TRPC4: variants seen among roughly 807,000 people sequenced by gnomAD.
TRPC4 encodes transient receptor potential cation channel subfamily C member 4, also known as short transient receptor potential channel 4.
In TRPC4, 49 loss-of-function variants were observed where a neutral mutation model predicts 99.4. That is an observed-to-expected ratio of 0.49 (90% confidence interval 0.39 to 0.63). TRPC4 has a LOEUF of 0.63. TRPC4 is among the 20% of genes least tolerant of loss of function. TRPC4 has a pLI of 0.00. For missense variants in TRPC4, 898 were observed against 1,152.9 expected, an observed-to-expected ratio of 0.78 and a Z score of 3.20; for synonymous variants, 454 against 425.9, an observed-to-expected ratio of 1.07 and a Z score of -0.81.
chr13:37,858,415 C>T (rs747869151), intron 1 of TRPC4, among the ~76,000 whole-genome samples: 1 of 151,610 alleles, frequency 6.6e-6, no homozygotes, highest in Non-Finnish European at 1.5e-5. Context: ...CCAGCAATCC[C>T]ACTGCAGGGT....
chr13:37,848,919 ATCT>A (rs1173668425), intron 1 of TRPC4, among the ~76,000 whole-genome samples: 1 of 152,192 alleles, frequency 6.6e-6, no homozygotes, highest in African/African-American at 2.4e-5. Context: ...GATTCTCAAC[ATCT>A]TCTCTTCCTT....
rs572605564 is a variant in TRPC4, at chr13:37,763,169, T to C, written c.379-16714A>G. Among the ~76,000 whole-genome samples, 46 of 151,626 alleles carry C rather than the reference T, an allele frequency of 3.0e-4. No homozygotes were observed. In the South Asian group the frequency reaches 7.3e-3, roughly 24 times the overall value. On this transcript the variant is annotated intron_variant, in intron 2 of 10. Transcript: ENST00000379705. Reference sequence around the variant, plus strand: ...TACTAAATGACATTTAAATAAAATGTTGTTTGTTGAAAATTTGAACTGTCT... The same window carrying C: ...TACTAAATGACATTTAAATAAAATGCTGTTTGTTGAAAATTTGAACTGTCT...
intron 4 of TRPC4, among the ~76,000 whole-genome samples, chr13:37,675,895 G>A (rs566703578): frequency 6.6e-6 from 1 of 152,180 alleles, no homozygotes; most frequent in Admixed American, 6.5e-5. Flanking sequence ...CTGGAGGAAG[G>A]GCCTCTGAGG....
intron 1 of TRPC4, among the ~76,000 whole-genome samples, chr13:37,847,620 C>A (rs188767161): frequency 2.7e-4 from 41 of 152,130 alleles, no homozygotes; most frequent in Non-Finnish European, 5.3e-4. Context: ...CATCACAATG[C>A]ACCCCATGAA....
At chr13:37,777,837 A>G (rs956297925) in intron 2 of TRPC4, among the ~76,000 whole-genome samples, 7 of 151,962 alleles carry the variant, frequency 4.6e-5, no homozygotes, top group African/African-American at 1.7e-4. Flanking sequence ...CCAAGAAAAA[A>G]CCAAGGCTCA....
Position 37,635,125 on chromosome 13 carries a change from TAGA to T in TRPC4, c.*1775_*1777del, listed in dbSNP as rs1951480461. On this transcript the variant is annotated 3_prime_UTR_variant, in exon 11 of 11. Coordinates refer to ENST00000379705, the MANE Select transcript of TRPC4 (RefSeq NM_016179.4). ...TATATTTTGCACACTTCTCTTGCTT[TAGA>T]AGAAGGGACTCTTATGAAGCATACC... Among the ~76,000 whole-genome samples, 1 of 152,190 alleles carries T rather than the reference TAGA, an allele frequency of 6.6e-6. No individual in the cohort carries two copies. The highest frequency in any genetic ancestry group is 1.5e-5 in the Non-Finnish European group (1 of 68,022).
chr13:37,686,452 T>C (rs1953485033), intron 4 of TRPC4, among the ~76,000 whole-genome samples: 1 of 151,842 alleles, frequency 6.6e-6, no homozygotes, highest in Admixed American at 6.6e-5. Context: ...TACACACACA[T>C]ATATATACAT....
At chr13:37,765,203 T>C (rs2139261353) in intron 2 of TRPC4, among the ~76,000 whole-genome samples, 1 of 151,568 alleles carries the variant, frequency 6.6e-6, no homozygotes, top group South Asian at 2.1e-4. Context: ...GATTATCAAA[T>C]CTATCAGTGT....
At chr13:37,837,549 C>T (rs966647882) in intron 1 of TRPC4, among the ~76,000 whole-genome samples, 3 of 152,146 alleles carry the variant, frequency 2.0e-5, no homozygotes, top group South Asian at 2.1e-4. Flanking sequence ...TTGCATGGGG[C>T]CTGTAGCCTC....
intron 5 of TRPC4, among the ~76,000 whole-genome samples, chr13:37,665,840 C>CAAAAAAAAAAAAAAAAA (rs1168472231): frequency 1.4e-5 from 1 of 71,026 alleles, no homozygotes; most frequent in Non-Finnish European, 2.8e-5. Context: ...TCAGCTGAGA[C>CAAAAAAAAAAAAAAAAA]AAAAAAAAAA....
chr13:37,730,117 C>A (rs559488497), intron 3 of TRPC4, among the ~76,000 whole-genome samples: 2 of 151,948 alleles, frequency 1.3e-5, no homozygotes, highest in African/African-American at 2.4e-5. Context: ...AGGTTTCCAG[C>A]GAAAACATTA....
chr13:37,700,293 T>C (rs1593540382), intron 3 of TRPC4, among the ~76,000 whole-genome samples: 1 of 152,120 alleles, frequency 6.6e-6, no homozygotes, highest in African/African-American at 2.4e-5. Context: ...AGGTGAGTAA[T>C]AGATGAAAAT....
At chr13:37,764,152 A>G (rs540702375) in intron 2 of TRPC4, among the ~76,000 whole-genome samples, 79 of 151,786 alleles carry the variant, frequency 5.2e-4, no homozygotes, top group African/African-American at 1.6e-3. Context: ...GGTGTGACGG[A>G]TGCCTGCAAG....
chr13:37,649,219 A>G (rs1566066742), intron 8 of TRPC4, among the ~76,000 whole-genome samples: 3 of 152,164 alleles, frequency 2.0e-5, no homozygotes, highest in Non-Finnish European at 2.9e-5. Flanking sequence ...TGTTTACCTC[A>G]AGGGAAGCAT....
chr13:37,692,764 T>C (rs1374278680), intron 3 of TRPC4, among the ~76,000 whole-genome samples: 1 of 152,244 alleles, frequency 6.6e-6, no homozygotes, highest in East Asian at 1.9e-4. Flanking sequence ...TTTATTTTTA[T>C]ATTTGTGTGT....
intron 3 of TRPC4, among the ~76,000 whole-genome samples, chr13:37,736,392 A>G (rs1206027222): frequency 6.6e-6 from 1 of 152,180 alleles, no homozygotes; most frequent in East Asian, 1.9e-4. Context: ...ATTCTGCCTT[A>G]TATCTTTTTT....
chr13:37,774,232 A>T (rs1451692488), intron 2 of TRPC4, among the ~76,000 whole-genome samples: 1 of 151,716 alleles, frequency 6.6e-6, no homozygotes, highest in Non-Finnish European at 1.5e-5. Context: ...TACAACTATA[A>T]ATTTCTCTTA....
chr13:37,819,147 A>G (rs1405892359), intron 1 of TRPC4, among the ~76,000 whole-genome samples: 2 of 152,076 alleles, frequency 1.3e-5, no homozygotes, highest in African/African-American at 2.4e-5. Context: ...TTACACCATC[A>G]GAATGGCTAT....
chr13:37,639,341 A>T, intron 8 of TRPC4, 42 bp from the exon 9 acceptor site: 1 of 1,546,026 alleles, frequency 6.5e-7, no homozygotes, highest in Non-Finnish European at 8.7e-7. Flanking sequence ...ATACTGTTAT[A>T]TTACTATTCT....
Sources: allele counts gnomAD v4.1 joint callset (sites outside exome capture counted in the v4.1 genomes callset), GRCh38; gene constraint gnomAD v4.1.1; transcripts MANE v1.5; gene names NCBI Gene and HGNC (gene_info 2026-07-23, HGNC 2026-07-21).